Variants in STIM2 observed in about 807,000 individuals in gnomAD.
The protein encoded by STIM2 is stromal interaction molecule 2.
In STIM2, 31 loss-of-function variants were observed where a neutral mutation model predicts 85.8. The observed-to-expected ratio is 0.36, with a 90% CI of 0.27 to 0.49. The LOEUF (loss-of-function observed/expected upper bound fraction) is 0.49, where lower values mean the gene tolerates loss of function less well. Ranked by LOEUF, STIM2 falls within the 20% of genes least tolerant of loss-of-function variation. The pLI is 0.98. For missense variants in STIM2, 841 were observed against 927.6 expected, an observed-to-expected ratio of 0.91 and a Z score of 1.21; for synonymous variants, 356 against 331.1, an observed-to-expected ratio of 1.08 and a Z score of -0.82.
intron 1 of STIM2, among the ~76,000 whole-genome samples, chr4:26,895,080 C>T (rs1056934336): frequency 7.9e-5 from 12 of 152,170 alleles, no homozygotes; most frequent in African/African-American, 1.9e-4. Flanking sequence ...GGCATGATGG[C>T]GCACGCCTGA....
chr4:26,962,362 T>C (rs1366004872), intron 3 of STIM2, among the ~76,000 whole-genome samples: 1 of 152,208 alleles, frequency 6.6e-6, no homozygotes, highest in Non-Finnish European at 1.5e-5. Flanking sequence ...TTTTGTACTG[T>C]TTTTGACTTA....
chr4:26,910,540 A>G (rs1560203984), intron 1 of STIM2, among the ~76,000 whole-genome samples: 1 of 152,028 alleles, frequency 6.6e-6, no homozygotes, highest in Non-Finnish European at 1.5e-5. Flanking sequence ...AAAAAAACAA[A>G]AAACAAACAA....
At chr4:26,900,764 T>A (rs1374189391) in intron 1 of STIM2, among the ~76,000 whole-genome samples, 1 of 152,224 alleles carries the variant, frequency 6.6e-6, no homozygotes, top group East Asian at 1.9e-4. Flanking sequence ...AAGTCGATAC[T>A]ACAAATGGAA....
chr4:26,882,901 G>T (rs749076882), intron 1 of STIM2, among the ~76,000 whole-genome samples: 64 of 150,408 alleles, frequency 4.3e-4, no homozygotes, highest in Non-Finnish European at 8.1e-4. Context: ...GCAGTGGCGC[G>T]ATCTCAGCTC....
At chr4:26,887,300 C>T (rs1399105277) in intron 1 of STIM2, among the ~76,000 whole-genome samples, 1 of 142,402 alleles carries the variant, frequency 7.0e-6, no homozygotes, top group Non-Finnish European at 1.5e-5. Context: ...TCATTTTCTA[C>T]TTGGGTTAAG....
chr4:27,008,168 C>T (rs914984661), intron 8 of STIM2, among the ~76,000 whole-genome samples: 6 of 152,148 alleles, frequency 3.9e-5, no homozygotes, highest in Admixed American at 6.6e-5. Context: ...GTACAAGATT[C>T]GGGTCTTCCT....
At chr4:26,870,097 T>A (rs1451762489) in intron 1 of STIM2, among the ~76,000 whole-genome samples, 1 of 152,038 alleles carries the variant, frequency 6.6e-6, no homozygotes, top group African/African-American at 2.4e-5. Context: ...AATATCAAAC[T>A]TACAGAGTAG....
intron 2 of STIM2, among the ~76,000 whole-genome samples, chr4:26,955,393 C>T (rs937912381): frequency 1.4e-5 from 2 of 148,106 alleles, no homozygotes; most frequent in African/African-American, 2.6e-5. Flanking sequence ...AAACAGTTGC[C>T]ATTTGTTCCA....
rs541696092 is a variant in STIM2, at chr4:27,024,403, T to C, written c.*1407T>C. The C allele has an allele frequency of 6.6e-6, 1 of 152,356 alleles. No homozygotes were observed. Among genetic ancestry groups the C allele is most frequent in the Middle Eastern group, 3.4e-3 (1 of 294 alleles). 9.4% of individuals were successfully genotyped at this position (152,356 alleles called of 1,614,324 possible). A position where few individuals can be genotyped will look rare whatever the true frequency, so the allele number is the denominator to read the frequency against. ...GATGGATGTTTGGATGAACAACTGA[T>C]ACATTTTAGTTAGAATGCTTTTTCA... On this transcript the variant is annotated 3_prime_UTR_variant, in exon 12 of 12. Transcript: ENST00000467087.
intron 1 of STIM2, among the ~76,000 whole-genome samples, chr4:26,873,246 A>G (rs1190610617): frequency 6.6e-6 from 1 of 152,062 alleles, no homozygotes; most frequent in Non-Finnish European, 1.5e-5. Context: ...CAAAAATACA[A>G]CGATTAGCCA....
Position 26,995,380 on chromosome 4 carries a change from T to A in STIM2, c.399T>A (p.Val133=). ...GCATTCCCCTTTTATCTCCTGCAGT[T>A]CATAATTGGACCCTTGAAGACACTC... Residue 133 remains valine (V), a splice_region_variant and synonymous_variant, in exon 4 of 12, where the codon GTT becomes GTA. Coordinates refer to ENST00000467087, the MANE Select transcript of STIM2 (RefSeq NM_020860.4). 1 of 1,560,388 alleles carries A rather than the reference T, an allele frequency of 6.4e-7. No individual in the cohort carries two copies. Among genetic ancestry groups the A allele is most frequent in the South Asian group, 1.2e-5 (1 of 82,728 alleles).
intron 3 of STIM2, among the ~76,000 whole-genome samples, chr4:26,957,960 A>G: frequency 6.6e-6 from 1 of 152,196 alleles, no homozygotes; most frequent in Non-Finnish European, 1.5e-5. Context: ...AATAAATAAG[A>G]TAATGCATGT....
intron 1 of STIM2, among the ~76,000 whole-genome samples, chr4:26,898,061 T>G (rs569336566): frequency 1.8e-4 from 28 of 152,318 alleles, no homozygotes; most frequent in African/African-American, 6.5e-4. Context: ...GTCACTGTGC[T>G]TGGTCCCAAA....
chr4:26,900,273 A>AATG (rs996705146), intron 1 of STIM2, among the ~76,000 whole-genome samples: 1 of 152,194 alleles, frequency 6.6e-6, no homozygotes, highest in East Asian at 1.9e-4. Flanking sequence ...CCTTTCTTCA[A>AATG]ATGAAATACT....
At chr4:26,875,442 G>A (rs1037860089) in intron 1 of STIM2, among the ~76,000 whole-genome samples, 1 of 152,040 alleles carries the variant, frequency 6.6e-6, no homozygotes, top group Non-Finnish European at 1.5e-5. Flanking sequence ...TTTCAAGCAG[G>A]TAGCTGGTAG....
intron 3 of STIM2, among the ~76,000 whole-genome samples, chr4:26,959,292 A>C (rs1364151068): frequency 6.6e-6 from 1 of 152,056 alleles, no homozygotes; most frequent in East Asian, 1.9e-4. Context: ...GTGGCTATTC[A>C]ACAAATGCAG....
intron 10 of STIM2, among the ~76,000 whole-genome samples, chr4:27,015,034 T>G (rs1008257939): frequency 2.0e-5 from 3 of 151,984 alleles, no homozygotes; most frequent in Non-Finnish European, 4.4e-5. Flanking sequence ...TCTTCAAAAT[T>G]TTTCCATTAT....
intron 3 of STIM2, among the ~76,000 whole-genome samples, chr4:26,963,386 A>G (rs1353768831): frequency 6.6e-6 from 1 of 152,182 alleles, no homozygotes; most frequent in East Asian, 1.9e-4. Context: ...CAATGAGACT[A>G]GAATAAAAAA....
chr4:26,885,859 A>ATATATATGTATATATATATATATATG lies in STIM2; in HGVS notation c.151+24497_151+24498insGTATATATATATATATATGTATATAT, dbSNP rs1560194659. Among the ~76,000 whole-genome samples, 103 of 89,426 alleles carry ATATATATGTATATATATATATATATG rather than the reference A, an allele frequency of 1.2e-3. 6 individuals carry two copies. The highest frequency in any genetic ancestry group is 2.7e-3 in the East Asian group (6 of 2,240). The allele number at this position is 89,426 out of a possible 152,430, so 58.7% of individuals were successfully genotyped here. On this transcript the variant is annotated intron_variant, in intron 1 of 11. Coordinates refer to ENST00000467087, the MANE Select transcript of STIM2 (RefSeq NM_020860.4). ...TATATATATATATATATATATATATATATATATATATATATGTATATGTCT... is the reference window on the plus strand; with the variant it reads ...TATATATATATATATATATATATATATATATATGTATATATATATATATATGTATATATATATATATGTATATGTCT...
Sources: gnomAD v4.1 joint callset for allele counts (sites outside exome capture counted in the v4.1 genomes callset) on GRCh38, gnomAD v4.1.1 for gene constraint, MANE v1.5 for transcripts, NCBI Gene and HGNC (gene_info 2026-07-23, HGNC 2026-07-21) for gene names.